Variants in TRPC5 observed in about 807,000 individuals in gnomAD.
The protein encoded by TRPC5 is transient receptor potential cation channel subfamily C member 5, also known as short transient receptor potential channel 5.
Under a neutral mutation model 56.5 loss-of-function variants are expected in TRPC5, and 9 were observed. The observed-to-expected ratio is 0.16, with a 90% CI of 0.10 to 0.28. The LOEUF is 0.28. TRPC5 is among the 10% of genes least tolerant of loss of function. TRPC5 has a pLI of 1.00. For synonymous variants in TRPC5, 282 were observed against 278.5 expected (o/e 1.01, Z -0.13); for missense variants, 469 against 748.9 (o/e 0.63, Z 4.36).
chrX:111,779,905 TTTGTTA>T (rs1243224107), intron 9 of TRPC5, among the ~76,000 whole-genome samples: 2 of 111,975 alleles, frequency 1.8e-5, no homozygotes, highest in African/African-American at 6.5e-5. Context: ...ATCATTTTTT[TTTGTTA>T]TTGTTGAGGG....
intron 6 of TRPC5, among the ~76,000 whole-genome samples, chrX:111,846,464 A>C (rs1310658969): frequency 8.9e-6 from 1 of 112,154 alleles, no homozygotes; most frequent in Admixed American, 9.5e-5. Flanking sequence ...AGTACTAAGC[A>C]AAGGCACAGG....
At chrX:111,780,440 C>T (rs1945910734) in intron 9 of TRPC5, among the ~76,000 whole-genome samples, 1 of 110,512 alleles carries the variant, frequency 9.0e-6, no homozygotes, top group South Asian at 3.9e-4. Flanking sequence ...TACCATTACC[C>T]TGTGTATTTT....
chrX:111,980,810 A>G (rs1315615430), intron 1 of TRPC5, among the ~76,000 whole-genome samples: 2 of 107,437 alleles, frequency 1.9e-5, no homozygotes, highest in African/African-American at 6.8e-5. Context: ...GCTACACATC[A>G]TTTATATCAA....
At chrX:112,028,587 C>T (rs1004012815) in intron 1 of TRPC5, among the ~76,000 whole-genome samples, 36 of 111,635 alleles carry the variant, frequency 3.2e-4, no homozygotes, top group Non-Finnish European at 6.0e-4. Context: ...CATCCATGTC[C>T]GTACAAAGGA....
At chrX:111,841,691 T>C (rs1243019187) in intron 6 of TRPC5, among the ~76,000 whole-genome samples, 1 of 111,859 alleles carries the variant, frequency 8.9e-6, no homozygotes, top group East Asian at 2.8e-4. Flanking sequence ...GTTGCAATCA[T>C]AGTTTATACA....
chrX:111,830,190 T>C (rs1922368398), intron 7 of TRPC5, among the ~76,000 whole-genome samples: 1 of 112,546 alleles, frequency 8.9e-6, no homozygotes, highest in Non-Finnish European at 1.9e-5. Flanking sequence ...ATGGAGCCTG[T>C]AGCCCCTTTG....
At chrX:111,847,486 A>T in intron 5 of TRPC5, 50 bp from the exon 6 acceptor site, 1 of 1,109,074 alleles carries the variant, frequency 9.0e-7, no homozygotes, top group African/African-American at 1.8e-5. Context: ...GAACATTTAT[A>T]AAACTTTCCC....
intron 3 of TRPC5, among the ~76,000 whole-genome samples, chrX:111,859,413 T>G (rs2148588726): frequency 8.9e-6 from 1 of 112,737 alleles, no homozygotes; most frequent in African/African-American, 3.2e-5. Flanking sequence ...GTGGTCTGCT[T>G]TATTATATTT....
intron 1 of TRPC5, among the ~76,000 whole-genome samples, chrX:111,990,374 C>T (rs1276964568): frequency 1.8e-5 from 2 of 111,357 alleles, no homozygotes; most frequent in Non-Finnish European, 3.8e-5. Flanking sequence ...GCCGAGATCA[C>T]ACCACTGCAC....
chrX:111,966,156 G>A (rs1381037304), intron 1 of TRPC5, among the ~76,000 whole-genome samples: 5 of 111,501 alleles, frequency 4.5e-5, no homozygotes, highest in East Asian at 2.8e-4. Flanking sequence ...TATCACCACC[G>A]ATCCCAAAGA....
chrX:111,799,638 C>T (rs774043560), intron 7 of TRPC5, among the ~76,000 whole-genome samples: 11 of 111,357 alleles, frequency 9.9e-5, no homozygotes, highest in African/African-American at 1.3e-4. Flanking sequence ...TAGAAAAAGC[C>T]GTAGAAACCT....
chrX:111,954,015 G>A (rs986988562), intron 1 of TRPC5, among the ~76,000 whole-genome samples: 1 of 111,972 alleles, frequency 8.9e-6, no homozygotes, highest in Non-Finnish European at 1.9e-5. Flanking sequence ...CCCAAGAGAA[G>A]AGGGTGCTGT....
At chrX:111,887,686 T>A (rs1300582242) in intron 3 of TRPC5, among the ~76,000 whole-genome samples, 1 of 112,115 alleles carries the variant, frequency 8.9e-6, no homozygotes, top group Non-Finnish European at 1.9e-5. Context: ...ATTAAGATGA[T>A]TAAATGGGAT....
intron 1 of TRPC5, among the ~76,000 whole-genome samples, chrX:112,051,941 G>A (rs1441269622): frequency 8.9e-6 from 1 of 111,989 alleles, no homozygotes; most frequent in Non-Finnish European, 1.9e-5. Context: ...TCATTGCAGT[G>A]TGTGTCAGAA....
intron 2 of TRPC5, among the ~76,000 whole-genome samples, chrX:111,919,956 G>A (rs968324955): frequency 1.8e-5 from 2 of 112,198 alleles, no homozygotes; most frequent in African/African-American, 6.5e-5. Flanking sequence ...AACAAACATG[G>A]TTCCTATCAT....
At chrX:111,984,392 C>T (rs1928159254) in intron 1 of TRPC5, among the ~76,000 whole-genome samples, 1 of 111,877 alleles carries the variant, frequency 8.9e-6, no homozygotes, top group Admixed American at 9.5e-5. Flanking sequence ...GATGGAGTAA[C>T]ACACTCAAAT....
chrX:112,045,311 G>C (rs183454418), intron 1 of TRPC5, among the ~76,000 whole-genome samples: 1 of 111,678 alleles, frequency 9.0e-6, no homozygotes, highest in East Asian at 2.8e-4. Flanking sequence ...AGAAATGGGA[G>C]TAATGTGGTC....
rs764972520 is a variant in TRPC5, at chrX:111,869,388, T to C, written c.901-15282A>G. On this transcript the variant is annotated intron_variant, in intron 3 of 10. Coordinates refer to ENST00000262839, the MANE Select transcript of TRPC5 (RefSeq NM_012471.3). ...CTGAGACATTTTGTTCTAAGCTGGC[T>C]CTGTTGTTGCAATTAGCTAGCAGAC... Among the ~76,000 whole-genome samples, 76 of 111,848 alleles carry C rather than the reference T, an allele frequency of 6.8e-4. 2 individuals are homozygous for C. Among genetic ancestry groups the C allele is most frequent in the African/African-American group, 2.3e-3 (70 of 30,814 alleles).
chrX:111,776,561 C>T lies in TRPC5; in HGVS notation c.2674G>A (p.Glu892Lys), dbSNP rs140690062. 74 of 1,210,333 alleles carry T rather than the reference C, an allele frequency of 6.1e-5. No individual in the cohort carries two copies. The African/African-American group carries it at 1.2e-3, about 19-fold the overall frequency. Residue 892 changes from glutamate (E) to lysine (K), a missense_variant, in exon 11 of 11, where the codon GAG (glutamate) becomes AAG (lysine). Coordinates refer to ENST00000262839, the MANE Select transcript of TRPC5 (RefSeq NM_012471.3). The part of the protein sequence containing the change: ...RYSQMEKGKA[E>K]ACSQSEINLS... ...TTAATTTCACTTTGAGAACAGGCCT[C>T]TGCTTTCCCTTTCTCCATCTGAGAA...
Sources: gnomAD v4.1 joint callset for allele counts (sites outside exome capture counted in the v4.1 genomes callset) on GRCh38, gnomAD v4.1.1 for gene constraint, MANE v1.5 for transcripts, NCBI Gene and HGNC (gene_info 2026-07-23, HGNC 2026-07-21) for gene names.